The following PPP2R3A variants were observed in gnomAD, a reference collection of about 807,000 sequenced individuals.
The protein encoded by PPP2R3A is serine/threonine-protein phosphatase 2A regulatory subunit B'' subunit alpha.
In PPP2R3A, 80 loss-of-function variants were observed where a neutral mutation model predicts 106.9. That is an observed-to-expected ratio of 0.75 (90% CI 0.62 to 0.90). The LOEUF (loss-of-function observed/expected upper bound fraction) is 0.90, where lower values mean the gene tolerates loss of function less well. PPP2R3A is among the 40% of genes least tolerant of loss of function. The pLI, the probability that PPP2R3A is intolerant of heterozygous loss-of-function variation, is 0.00. For synonymous variants in PPP2R3A, 483 were observed against 468.3 expected (o/e 1.03, Z -0.41); for missense variants, 1,386 against 1,350.4 (o/e 1.03, Z -0.41).
intron 13 of PPP2R3A, 32 bp downstream of exon 13, chr3:136,106,354 T>C (rs1937517038): frequency 1.9e-6 from 3 of 1,582,932 alleles, no homozygotes; most frequent in South Asian, 1.1e-5. Flanking sequence ...TTATAGAATT[T>C]TTAACAGGAA....
At chr3:136,132,197 A>T (rs1938455534) in intron 13 of PPP2R3A, among the ~76,000 whole-genome samples, 1 of 152,198 alleles carries the variant, frequency 6.6e-6, no homozygotes, top group South Asian at 2.1e-4. Flanking sequence ...CCTGAGATCA[A>T]GAACCAGGCA....
rs368515744 is a variant in PPP2R3A at position 136,105,126 on chromosome 3, T to C, written c.3223-1090T>C. On this transcript the variant is annotated intron_variant, in intron 12 of 13. Coordinates refer to ENST00000264977, the MANE Select transcript of PPP2R3A (RefSeq NM_002718.5). ...CTACATTAGGAAAAAGGAAGTGATA[T>C]GGAGAGAAGGGCTGTTTCCAGGAAG... Among the ~76,000 whole-genome samples the C allele has an allele frequency of 5.2e-4, 79 of 152,214 alleles. No homozygotes were observed. The South Asian group carries it at 1.0e-2, about 19-fold the overall frequency.
chr3:136,103,835 G>A (rs961822851), intron 12 of PPP2R3A, among the ~76,000 whole-genome samples: 2 of 152,030 alleles, frequency 1.3e-5, no homozygotes, highest in East Asian at 1.9e-4. Context: ...ATAATATAAC[G>A]CCTTTTCACG....
At chr3:136,020,025 C>T in intron 2 of PPP2R3A, among the ~76,000 whole-genome samples, 1 of 152,096 alleles carries the variant, frequency 6.6e-6, no homozygotes, top group East Asian at 1.9e-4. Context: ...AAAGAGACCA[C>T]ATCTTTATCA....
chr3:135,997,005 C>A (rs1007079901), intron 1 of PPP2R3A, among the ~76,000 whole-genome samples: 3 of 152,178 alleles, frequency 2.0e-5, no homozygotes, highest in Admixed American at 6.5e-5. Context: ...TGAGACTAAT[C>A]CCCTCACCAG....
At chr3:136,090,482 T>G in intron 9 of PPP2R3A, 96 bp from the exon 10 acceptor site, 1 of 995,892 alleles carries the variant, frequency 1.0e-6, no homozygotes, top group Non-Finnish European at 1.5e-6. Context: ...TTTAAAAAAT[T>G]TTAACTGACA....
chr3:136,131,746 A>G (rs1309649381), intron 13 of PPP2R3A, among the ~76,000 whole-genome samples: 1 of 152,234 alleles, frequency 6.6e-6, no homozygotes, highest in Middle Eastern at 3.2e-3. Flanking sequence ...GCAATAGCAA[A>G]GACTTGGAAC....
At chr3:136,047,954 G>C (rs1402030086) in intron 4 of PPP2R3A, among the ~76,000 whole-genome samples, 4 of 152,044 alleles carry the variant, frequency 2.6e-5, no homozygotes, top group South Asian at 4.1e-4. Flanking sequence ...TACAAGAAAG[G>C]GTAGGGATGG....
At chr3:136,039,646 C>A (rs1935197482) in intron 3 of PPP2R3A, among the ~76,000 whole-genome samples, 1 of 152,206 alleles carries the variant, frequency 6.6e-6, no homozygotes, top group Non-Finnish European at 1.5e-5. Flanking sequence ...TCAGGTGGTA[C>A]TGCTCGCTCA....
rs781446151 is a variant in PPP2R3A at position 136,040,906 on chromosome 3, A to AG, written c.2315dup (p.Glu773ArgfsTer21). On this transcript the variant is annotated frameshift_variant, in exon 4 of 14. Coordinates refer to ENST00000264977, the MANE Select transcript of PPP2R3A (RefSeq NM_002718.5). LOFTEE classifies it high-confidence loss of function. ...GGAAAGCCCCCATGTTCAGGGCTGC[A>AG]GGGGGAGAGAAGACAGGATTTGTGA... 6.2e-7 allele frequency: 1 copy of AG among 1,613,456 alleles called. No individual in the cohort carries two copies. Among genetic ancestry groups the AG allele is most frequent in the African/African-American group, 1.3e-5 (1 of 74,900 alleles).
intron 10 of PPP2R3A, among the ~76,000 whole-genome samples, chr3:136,097,067 T>A (rs576187972): frequency 2.0e-5 from 3 of 152,218 alleles, no homozygotes; most frequent in African/African-American, 7.2e-5. Flanking sequence ...ATATTGGTGG[T>A]AAATATAGCA....
At chr3:136,107,431 CTTTTTTTTTTTTT>C (rs11324496) in intron 13 of PPP2R3A, among the ~76,000 whole-genome samples, 13 of 71,430 alleles carry the variant, frequency 1.8e-4, no homozygotes, top group African/African-American at 6.5e-4. Context: ...TACATGAATT[CTTTTTTTTTTTTT>C]TTTTTTTTTT....
intron 13 of PPP2R3A, among the ~76,000 whole-genome samples, chr3:136,125,673 C>A (rs892026816): frequency 6.6e-6 from 1 of 151,934 alleles, no homozygotes; most frequent in Non-Finnish European, 1.5e-5. Flanking sequence ...ATAGTGAGAC[C>A]CCATCCCTAT....
rs1933348809 is a variant in PPP2R3A at position 135,995,402 on chromosome 3, CT to C, written c.-440-5650del. ...ATGATAGAGTGCTTATCCTCTAGAA[CT>C]TTTTTTACTCATTGAAAGAGTTCTA... is the stretch of plus-strand genomic sequence containing the variant. On this transcript the variant is annotated intron_variant, in intron 1 of 13. Transcript: ENST00000264977. 4.8e-5 allele frequency among the ~76,000 whole-genome samples: 7 copies of C among 146,630 alleles called. No individual in the cohort carries two copies. The South Asian group carries it at 1.5e-3, about 32-fold the overall frequency.
At chr3:136,023,219 T>G in intron 2 of PPP2R3A, 1 of 1,513,526 alleles carries the variant, frequency 6.6e-7, no homozygotes, top group Non-Finnish European at 9.0e-7. Context: ...ATTTGGGTGT[T>G]TTGTTTTGTT....
At chr3:136,129,748 C>T (rs1345436287) in intron 13 of PPP2R3A, among the ~76,000 whole-genome samples, 1 of 152,180 alleles carries the variant, frequency 6.6e-6, no homozygotes, top group Non-Finnish European at 1.5e-5. Flanking sequence ...CCCTGATGAA[C>T]ATCGATGCAA....
At chr3:136,063,072 G>C (rs528507756) in intron 5 of PPP2R3A, among the ~76,000 whole-genome samples, 1 of 152,248 alleles carries the variant, frequency 6.6e-6, no homozygotes, top group African/African-American at 2.4e-5. Flanking sequence ...CCAAAACAGA[G>C]ATATAGACCA....
At chr3:136,000,798 A>T (rs1264721213) in intron 1 of PPP2R3A, among the ~76,000 whole-genome samples, 1 of 152,200 alleles carries the variant, frequency 6.6e-6, no homozygotes, top group African/African-American at 2.4e-5. Flanking sequence ...AAGCTTCTTA[A>T]TATCATATAA....
chr3:136,012,447 C>G (rs551779331), intron 2 of PPP2R3A, among the ~76,000 whole-genome samples: 1 of 152,250 alleles, frequency 6.6e-6, no homozygotes, highest in African/African-American at 2.4e-5. Context: ...GAGCAAGACA[C>G]AAAAATGCTT....
Sources: gnomAD v4.1 joint callset for allele counts (sites outside exome capture counted in the v4.1 genomes callset) on GRCh38, gnomAD v4.1.1 for gene constraint, MANE v1.5 for transcripts, NCBI Gene and HGNC (gene_info 2026-07-23, HGNC 2026-07-21) for gene names.